Variants in NFIA observed in about 807,000 individuals in gnomAD.
NFIA encodes the protein nuclear factor 1 A-type.
NFIA carries 8 observed loss-of-function variants against 62.8 expected under a neutral mutation model. The ratio of observed to expected loss-of-function variants is 0.13; its 90% CI spans 0.07 to 0.23. NFIA has a LOEUF of 0.23. NFIA is among the 10% of genes least tolerant of loss of function. The pLI is 1.00. For synonymous variants in NFIA, 235 were observed against 238.1 expected (o/e 0.99, Z 0.12); for missense variants, 410 against 642.1 (o/e 0.64, Z 3.91).
chr1:61,264,580 G>A (rs58735965), intron 2 of NFIA, among the ~76,000 whole-genome samples: 17,594 of 147,934 alleles, frequency 0.12, 1,458 homozygotes, highest in African/African-American at 0.23. Context: ...GAACCCGGAA[G>A]GCGAAGGTTG....
intron 2 of NFIA, among the ~76,000 whole-genome samples, chr1:61,195,078 T>G (rs1449236708): frequency 6.6e-6 from 1 of 152,150 alleles, no homozygotes; most frequent in Non-Finnish European, 1.5e-5. Flanking sequence ...TTATTCTGAC[T>G]TCAACTGCCA....
chr1:61,178,717 G>A (rs1184921558), intron 2 of NFIA, among the ~76,000 whole-genome samples: 1 of 152,226 alleles, frequency 6.6e-6, no homozygotes, highest in Non-Finnish European at 1.5e-5. Flanking sequence ...CTTACAGTTT[G>A]CAGTGGACCC....
At chr1:61,437,786 T>G (rs1304133299) in intron 10 of NFIA, among the ~76,000 whole-genome samples, 1 of 152,116 alleles carries the variant, frequency 6.6e-6, no homozygotes, top group Non-Finnish European at 1.5e-5. Context: ...GGGAGAACAT[T>G]CCAGACCAGG....
intron 10 of NFIA, among the ~76,000 whole-genome samples, chr1:61,443,238 C>T (rs1667665009): frequency 6.6e-6 from 1 of 152,142 alleles, no homozygotes; most frequent in South Asian, 2.1e-4. Context: ...AGAGAGGAAT[C>T]CCCTTCCCCC....
intron 2 of NFIA, among the ~76,000 whole-genome samples, chr1:61,209,947 AATTAAC>A (rs1653141940): frequency 6.6e-6 from 1 of 152,214 alleles, no homozygotes; most frequent in Non-Finnish European, 1.5e-5. Context: ...GTCCAAAAAT[AATTAAC>A]ATTAACATCT....
chr1:61,273,581 A>G (rs1657639939), intron 2 of NFIA, among the ~76,000 whole-genome samples: 1 of 152,172 alleles, frequency 6.6e-6, no homozygotes, highest in Non-Finnish European at 1.5e-5. Context: ...AGAAAGCTGA[A>G]CAACAATTGA....
intron 2 of NFIA, among the ~76,000 whole-genome samples, chr1:61,137,222 A>G (rs941288929): frequency 6.6e-6 from 1 of 152,222 alleles, no homozygotes; most frequent in African/African-American, 2.4e-5. Flanking sequence ...AGGTTGAAAC[A>G]TTTGTTAAGT....
intron 2 of NFIA, among the ~76,000 whole-genome samples, chr1:61,272,911 AT>A (rs1439524933): frequency 2.0e-5 from 3 of 152,134 alleles, no homozygotes; most frequent in Non-Finnish European, 4.4e-5. Context: ...AATTTGGGAG[AT>A]TTAAAACTGG....
At chr1:61,328,022 G>C (rs1042926788) in intron 3 of NFIA, among the ~76,000 whole-genome samples, 1 of 151,662 alleles carries the variant, frequency 6.6e-6, no homozygotes, top group African/African-American at 2.4e-5. Flanking sequence ...GTGATGTTGG[G>C]CATTTTTTCA....
At chr1:61,131,388 G>A (rs1647076971) in intron 2 of NFIA, among the ~76,000 whole-genome samples, 1 of 152,130 alleles carries the variant, frequency 6.6e-6, no homozygotes, top group South Asian at 2.1e-4. Context: ...CATTGACATA[G>A]ATGTGTTGAA....
rs563395530 is a variant in NFIA at position 61,196,137 on chromosome 1, T to G, written c.560-81383T>G. Among the ~76,000 whole-genome samples, 41 of 152,292 alleles carry G rather than the reference T, an allele frequency of 2.7e-4. 1 individual carries two copies. Among genetic ancestry groups the G allele is most frequent in the African/African-American group, 9.6e-4 (40 of 41,570 alleles). ...TGTTTGTTCTTGTCTTATGTGTAGG[T>G]GCTTTATATGTGTTTTAAACAGAGT... is the stretch of plus-strand genomic sequence containing the variant. On this transcript the variant is annotated intron_variant, in intron 2 of 10. Coordinates refer to ENST00000403491, the MANE Select transcript of NFIA (RefSeq NM_001134673.4).
rs1447575107 is a variant in NFIA at position 61,404,093 on chromosome 1, T to A, written c.1076-11T>A. The A allele has an allele frequency of 6.2e-7, 1 of 1,613,548 alleles. No homozygotes were observed. The highest frequency in any genetic ancestry group is 1.3e-5 in the African/African-American group (1 of 74,918). On this transcript the variant is annotated splice_polypyrimidine_tract_variant and intron_variant, in intron 7 of 10. Coordinates refer to ENST00000403491, the MANE Select transcript of NFIA (RefSeq NM_001134673.4). ...TTCTTTTCATAACCCTGATGTTTTCTTTTCCTGCAGCAAGTCCGCATGCAA... is the reference window on the plus strand; with the variant it reads ...TTCTTTTCATAACCCTGATGTTTTCATTTCCTGCAGCAAGTCCGCATGCAA...
intron 2 of NFIA, among the ~76,000 whole-genome samples, chr1:61,200,537 C>T (rs1296130894): frequency 6.6e-6 from 1 of 152,084 alleles, no homozygotes; most frequent in Non-Finnish European, 1.5e-5. Flanking sequence ...ATCTGCCAGT[C>T]AACAATTGCT....
At chr1:61,081,641 C>T (rs941538898), upstream of NFIA, 6 of 395,814 alleles carry the variant, frequency 1.5e-5, no homozygotes, top group African/African-American at 1.3e-4. Context: ...TTCAAACCCA[C>T]TAGTTTCACA....
intron 4 of NFIA, 73 bp downstream of exon 4, chr1:61,332,659 GA>G: frequency 7.7e-7 from 1 of 1,290,834 alleles, no homozygotes; most frequent in Non-Finnish European, 1.1e-6. Context: ...AGGACTCCTA[GA>G]GACCAAAAAA....
chr1:61,208,004 G>T (rs1480070827), intron 2 of NFIA, among the ~76,000 whole-genome samples: 1 of 132,952 alleles, frequency 7.5e-6, no homozygotes, highest in East Asian at 2.1e-4. Context: ...TTTTGATGCA[G>T]CTCTTCACAG....
At chr1:61,292,096 C>T (rs980037368) in intron 3 of NFIA, among the ~76,000 whole-genome samples, 2 of 152,144 alleles carry the variant, frequency 1.3e-5, no homozygotes, top group Admixed American at 1.3e-4. Flanking sequence ...ACATGACCAC[C>T]TGACATTGGT....
chr1:61,221,997 TC>T (rs796520304), intron 2 of NFIA, among the ~76,000 whole-genome samples: 8 of 152,262 alleles, frequency 5.3e-5, no homozygotes, highest in African/African-American at 1.7e-4. Context: ...TCTTTGGGCT[TC>T]AAAAGCACTC....
chr1:61,370,041 A>C (rs1569647387), intron 6 of NFIA, among the ~76,000 whole-genome samples: 1 of 152,200 alleles, frequency 6.6e-6, no homozygotes, highest in South Asian at 2.1e-4. Flanking sequence ...TGGCTTTTAC[A>C]TGGGGAATTG....
Sources: gnomAD v4.1 joint callset for allele counts (sites outside exome capture counted in the v4.1 genomes callset) on GRCh38, gnomAD v4.1.1 for gene constraint, MANE v1.5 for transcripts, NCBI Gene and HGNC (gene_info 2026-07-23, HGNC 2026-07-21) for gene names.